Variants in ACBD5 observed in about 807,000 individuals in gnomAD.
The protein encoded by ACBD5 is acyl-CoA-binding domain-containing protein 5.
A neutral mutation model predicts 71.8 loss-of-function variants in ACBD5; 40 were observed. That is an observed-to-expected ratio of 0.56 (90% CI 0.43 to 0.72). ACBD5 has a LOEUF of 0.72. Among genes scored for constraint, ACBD5 ranks in the 30% least tolerant of loss-of-function variants. The pLI, the probability that ACBD5 is intolerant of heterozygous loss-of-function variation, is 0.00. For synonymous variants in ACBD5, 229 were observed against 218.6 expected (o/e 1.05, Z -0.42); for missense variants, 559 against 644.5 (o/e 0.87, Z 1.44).
chr10:27,194,715 C>T (rs564806839), downstream of ACBD5, among the ~76,000 whole-genome samples: 2 of 146,420 alleles, frequency 1.4e-5, no homozygotes, highest in Admixed American at 6.8e-5. Context: ...GAACTGAAAC[C>T]GGCTGGGTGC....
intron 2 of ACBD5, among the ~76,000 whole-genome samples, chr10:27,236,599 G>C (rs1032298629): frequency 1.3e-5 from 2 of 152,028 alleles, no homozygotes; most frequent in South Asian, 2.1e-4. Context: ...CAGTTTATAA[G>C]AGCTGTGGGC....
intron 12 of ACBD5, among the ~76,000 whole-genome samples, chr10:27,202,784 T>C (rs185578881): frequency 6.6e-6 from 1 of 152,234 alleles, no homozygotes; most frequent in Admixed American, 6.5e-5. Context: ...TAAGCAGCAG[T>C]GGCACTGAGC....
chr10:27,209,182 C>T (rs1422814269), intron 9 of ACBD5, among the ~76,000 whole-genome samples: 2 of 152,020 alleles, frequency 1.3e-5, no homozygotes, highest in Non-Finnish European at 2.9e-5. Context: ...GCCCTGGACT[C>T]CCAAACTGCT....
chr10:27,202,621 T>C (rs1233792091), intron 12 of ACBD5, among the ~76,000 whole-genome samples: 1 of 152,218 alleles, frequency 6.6e-6, no homozygotes, highest in Non-Finnish European at 1.5e-5. Flanking sequence ...AATAAGCTGC[T>C]TCCATCTTAA....
At chr10:27,234,488 C>T (rs1294663049) in intron 3 of ACBD5, among the ~76,000 whole-genome samples, 11 of 65,240 alleles carry the variant, frequency 1.7e-4, no homozygotes, top group Admixed American at 1.5e-3. Flanking sequence ...GTTGCTCTTG[C>T]CTTAAAAAAA....
intron 8 of ACBD5, among the ~76,000 whole-genome samples, chr10:27,212,475 GA>G (rs2061195629): frequency 6.6e-6 from 1 of 150,930 alleles, no homozygotes; most frequent in African/African-American, 2.4e-5. Flanking sequence ...TTTTTAAAAA[GA>G]AAAAAATAAA....
At chr10:27,186,709 T>C in intron 13 of ACBD5, 1 of 644,244 alleles carries the variant, frequency 1.6e-6, no homozygotes, top group Non-Finnish European at 2.7e-6. Context: ...AGGAATATAG[T>C]CAGTAATTTA....
chr10:27,184,306 G>A (rs788219), intron 13 of ACBD5, among the ~76,000 whole-genome samples: 13,445 of 152,226 alleles, frequency 0.088, 813 homozygotes, highest in Middle Eastern at 0.14. Flanking sequence ...AGGGGCATTT[G>A]AGCAGAAACC....
rs1376641683 is a variant in ACBD5 at position 27,234,046 on chromosome 10, A to AAAAT, written c.302+1042_302+1045dup. On this transcript the variant is annotated intron_variant, in intron 3 of 12. Coordinates refer to ENST00000396271, the MANE Select transcript of ACBD5 (RefSeq NM_145698.5). The stretch of plus-strand genomic sequence containing the variant: ...GCAACAAGAGTGAAACTCCATCTCA[A>AAAAT]AAATAAATAAATAAATAAAACATGC... Among the ~76,000 whole-genome samples, 6 of 152,328 alleles carry AAAAT rather than the reference A, an allele frequency of 3.9e-5. No homozygotes were observed. In the East Asian group the frequency reaches 1.2e-3, roughly 29 times the overall value.
intron 13 of ACBD5, among the ~76,000 whole-genome samples, chr10:27,183,954 C>T (rs544734056): frequency 7.2e-5 from 11 of 152,218 alleles, no homozygotes; most frequent in Middle Eastern, 3.4e-3. Context: ...TCAAGCCATC[C>T]GCCCACCTTG....
rs138637886 is a variant in ACBD5 at position 27,195,609 on chromosome 10, C to T, written c.*1821G>A. 4.1e-3 allele frequency: 1,725 copies of T among 424,192 alleles called. 25 individuals carry two copies. Among genetic ancestry groups the T allele is most frequent in the African/African-American group, 0.032 (1,568 of 48,312 alleles). 26.3% of individuals were successfully genotyped at this position (424,192 alleles called of 1,614,324 possible). On this transcript the variant is annotated 3_prime_UTR_variant, in exon 13 of 13. Transcript: ENST00000396271. The stretch of plus-strand genomic sequence containing the variant: ...TCCACAGGTCTAAATGTTATTTTTA[C>T]ATATAAATTCAGTTGCTTGCTTCAC...
At chr10:27,231,933 G>T in intron 3 of ACBD5, 113 bp from the exon 4 acceptor site, 1 of 992,134 alleles carries the variant, frequency 1.0e-6, no homozygotes, top group Non-Finnish European at 1.6e-6. Context: ...TCTACTTAAA[G>T]CCATAACAGG....
downstream of ACBD5, among the ~76,000 whole-genome samples, chr10:27,191,966 A>G (rs2136362545): frequency 1.3e-5 from 2 of 152,304 alleles, no homozygotes; most frequent in Middle Eastern, 6.8e-3. Context: ...CAAACCCAAA[A>G]TTAGTAGAAG....
intron 10 of ACBD5, among the ~76,000 whole-genome samples, chr10:27,207,758 A>G (rs1350845776): frequency 6.6e-6 from 1 of 152,082 alleles, no homozygotes; most frequent in Non-Finnish European, 1.5e-5. Context: ...TATTTGAGAC[A>G]GAGTCTCACT....
intron 6 of ACBD5, 61 bp downstream of exon 6, chr10:27,219,662 T>C: frequency 1.4e-5 from 22 of 1,600,278 alleles, no homozygotes; most frequent in Non-Finnish European, 1.8e-5. Context: ...TCAGCCCAAA[T>C]GTCTTCATAC....
At chr10:27,189,428 G>T (rs1007792007) in intron 13 of ACBD5, among the ~76,000 whole-genome samples, 3 of 152,168 alleles carry the variant, frequency 2.0e-5, no homozygotes, top group Non-Finnish European at 4.4e-5. Context: ...ATTGCTTGAG[G>T]CCAGGAGTTA....
At chr10:27,241,269 C>A (rs2065465446), upstream of ACBD5, among the ~76,000 whole-genome samples, 2 of 152,310 alleles carry the variant, frequency 1.3e-5, 1 homozygote. Context: ...TCCAGTTCTG[C>A]CATTTAAATT....
rs553343882 is a variant in ACBD5 at position 27,183,606 on chromosome 10, G to A, written c.1494-891C>T. On this transcript the variant is annotated intron_variant, in intron 13 of 13. Coordinates refer to the ACBD5 transcript ENST00000676511. ...ATGGTAATATAGAGAAAAGCATTACGTCCCAAAATGCATTTCTTTATCAAG... is the reference window on the plus strand; with the variant it reads ...ATGGTAATATAGAGAAAAGCATTACATCCCAAAATGCATTTCTTTATCAAG... 2.2e-4 allele frequency among the ~76,000 whole-genome samples: 33 copies of A among 152,176 alleles called. No homozygotes were observed. In the South Asian group the frequency reaches 5.0e-3, roughly 23 times the overall value.
intron 7 of ACBD5, among the ~76,000 whole-genome samples, chr10:27,216,543 G>T (rs11815019): frequency 0.07 from 10,577 of 152,104 alleles, 678 homozygotes; most frequent in African/African-American, 0.17. Flanking sequence ...CCCAAAGTGC[G>T]GGGATTACGG....
Sources: gnomAD v4.1 joint callset for allele counts (sites outside exome capture counted in the v4.1 genomes callset) on GRCh38, gnomAD v4.1.1 for gene constraint, MANE v1.5 for transcripts, NCBI Gene and HGNC (gene_info 2026-07-23, HGNC 2026-07-21) for gene names.